USP16: variants seen among roughly 807,000 people sequenced by gnomAD.
USP16 encodes ubiquitin carboxyl-terminal hydrolase 16.
Under a neutral mutation model 95.9 loss-of-function variants are expected in USP16, and 77 were observed. The observed-to-expected ratio is 0.80, with a 90% CI of 0.67 to 0.97. The LOEUF is 0.97. Among genes scored for constraint, USP16 ranks in the 50% least tolerant of loss-of-function variants. The pLI, the probability that USP16 is intolerant of heterozygous loss-of-function variation, is 0.00. For missense variants in USP16, 943 were observed against 959.9 expected, an observed-to-expected ratio of 0.98 and a Z score of 0.23; for synonymous variants, 303 against 318.2, an observed-to-expected ratio of 0.95 and a Z score of 0.51.
rs775112043 is a variant in USP16 at position 29,042,468 on chromosome 21, T to G, written c.1123-4T>G. Reference sequence around the variant, plus strand: ...TTTTACACTGTCTTTTCTGATTGGTTAAGGTCTCCTTGGTTCATGAATCTT... The same window carrying G: ...TTTTACACTGTCTTTTCTGATTGGTGAAGGTCTCCTTGGTTCATGAATCTT... On this transcript the variant is annotated splice_region_variant and splice_polypyrimidine_tract_variant and intron_variant, in intron 11 of 17. Coordinates refer to ENST00000399976, the MANE Select transcript of USP16 (RefSeq NM_006447.3). 11 of 1,603,890 alleles carry G rather than the reference T, an allele frequency of 6.9e-6. No homozygotes were observed. The highest frequency in any genetic ancestry group is 9.4e-6 in the Non-Finnish European group (11 of 1,176,286).
intron 4 of USP16, among the ~76,000 whole-genome samples, chr21:29,035,939 C>CA (rs1308999785): frequency 2.0e-5 from 3 of 151,590 alleles, no homozygotes; most frequent in Non-Finnish European, 4.4e-5. Context: ...AAAAACAAAA[C>CA]AAACAAAAAA....
At position 29,039,017 on chromosome 21, in the gene USP16, C is replaced by T. The variant is rs2085203699; in HGVS notation, c.733-9C>T. On this transcript the variant is annotated splice_polypyrimidine_tract_variant and intron_variant, in intron 7 of 17. Transcript: ENST00000399976. ...GACTGAAGAAAGTAATTTCTTTTCC[C>T]ATATTCAGGAACCATTAGAAATAAA... 1.3e-6 allele frequency: 2 copies of T among 1,497,028 alleles called. No individual in the cohort carries two copies. The highest frequency in any genetic ancestry group is 1.4e-5 in the African/African-American group (1 of 69,374). 92.7% of individuals were successfully genotyped at this position (1,497,028 alleles called of 1,614,324 possible).
Position 29,043,430 on chromosome 21 carries a change from A to G in USP16, c.1187A>G (p.Lys396Arg). 6.6e-7 allele frequency: 1 copy of G among 1,521,420 alleles called. No individual in the cohort carries two copies. Among genetic ancestry groups the G allele is most frequent in the Non-Finnish European group, 8.8e-7 (1 of 1,141,584 alleles). 94.2% of individuals were successfully genotyped at this position (1,521,420 alleles called of 1,614,324 possible). ...SLPVLDDQSG[K>R]KSVNDKNLKK... ...TGTTATCTATATTTTAAGAGTGGTA[A>G]GAAAAGTGTAAATGATAAAAATCTG... Residue 396 changes from lysine to arginine, a missense_variant, in exon 13 of 18, where the codon AAG (lysine) becomes AGG (arginine). Coordinates refer to ENST00000399976, the MANE Select transcript of USP16 (RefSeq NM_006447.3).
At chr21:29,029,392 A>G (rs975074540) in intron 2 of USP16, among the ~76,000 whole-genome samples, 5 of 152,336 alleles carry the variant, frequency 3.3e-5, no homozygotes, top group South Asian at 2.1e-4. Context: ...CAGCCTGGGC[A>G]ACAGAGCAAG....
chr21:29,050,306 T>C, intron 16 of USP16, 128 bp downstream of exon 16: 1 of 696,896 alleles, frequency 1.4e-6, no homozygotes, highest in Non-Finnish European at 2.3e-6. Context: ...TCTTTGATCA[T>C]TGTACCTTTA....
At chr21:29,052,533 G>A (rs1047220803) in intron 16 of USP16, 7 of 152,210 alleles carry the variant, frequency 4.6e-5, no homozygotes, top group African/African-American at 1.7e-4. Flanking sequence ...CCATGATTCA[G>A]TTGCGTCCCA....
intron 12 of USP16, 65 bp downstream of exon 12, chr21:29,042,593 G>A (rs1341548963): frequency 1.6e-5 from 23 of 1,430,204 alleles, no homozygotes; most frequent in Non-Finnish European, 1.8e-5. Flanking sequence ...GTGGGGGGAA[G>A]CCTTGTTACT....
At position 29,054,250 on chromosome 21, in the gene USP16, TAA is replaced by T. The variant is rs1045478388; in HGVS notation, c.*69_*70del. The T allele has an allele frequency of 8.5e-6, 13 of 1,532,700 alleles. No individual in the cohort carries two copies. The highest frequency in any genetic ancestry group is 6.9e-5 in the African/African-American group (5 of 72,128). The allele number at this position is 1,532,700 out of a possible 1,614,324, so 94.9% of individuals were successfully genotyped here. A position where few individuals can be genotyped will look rare whatever the true frequency, so the allele number is the denominator to read the frequency against. ...GCTTTTATAATGGCTGAAATAACGA[TAA>T]AAAAAGACTAATTAAAATCATGTTC... is the stretch of plus-strand genomic sequence containing the variant. On this transcript the variant is annotated 3_prime_UTR_variant, in exon 18 of 18. Transcript: ENST00000399976.
At chr21:29,046,052 C>T (rs780268519) in intron 13 of USP16, among the ~76,000 whole-genome samples, 4 of 152,124 alleles carry the variant, frequency 2.6e-5, no homozygotes, top group Non-Finnish European at 4.4e-5. Context: ...TCAAACTCCT[C>T]ACCTCAAGTG....
intron 6 of USP16, 107 bp from the exon 7 acceptor site, chr21:29,038,228 C>T (rs2085191098): frequency 1.5e-6 from 1 of 684,120 alleles, no homozygotes; most frequent in Non-Finnish European, 2.5e-6. Flanking sequence ...ATAGAGTTTT[C>T]AGTGTTGGTC....
intron 6 of USP16, 105 bp from the exon 7 acceptor site, chr21:29,038,230 G>A: frequency 1.4e-6 from 1 of 701,180 alleles, no homozygotes; most frequent in Non-Finnish European, 2.4e-6. Flanking sequence ...AGAGTTTTCA[G>A]TGTTGGTCAT....
chr21:29,053,979 C>A, intron 17 of USP16, 21 bp downstream of exon 17: 1 of 1,613,506 alleles, frequency 6.2e-7, no homozygotes. Flanking sequence ...TTGGAAAATT[C>A]AGGCACTCAG....
intron 16 of USP16, 148 bp from the exon 17 acceptor site, chr21:29,053,654 G>A: frequency 1.4e-6 from 1 of 722,116 alleles, no homozygotes; most frequent in Non-Finnish European, 2.2e-6. Flanking sequence ...GCTGAGAAGA[G>A]GTATGGAGAA....
chr21:29,050,483 C>T (rs2085397358), intron 16 of USP16, among the ~76,000 whole-genome samples: 1 of 152,150 alleles, frequency 6.6e-6, no homozygotes, highest in African/African-American at 2.4e-5. Flanking sequence ...AATGTTAAGG[C>T]TGGTGAACAT....
At position 29,027,530 on chromosome 21, in the gene USP16, A is replaced by G. The variant is rs556225945; in HGVS notation, c.-41-343A>G. On this transcript the variant is annotated intron_variant, in intron 1 of 17. Transcript: ENST00000399976. ...GTTTTCTGATTAAAGTGCTGCCATT[A>G]TTTCACATGTATGTAGTGAGGAGTC... is the stretch of plus-strand genomic sequence containing the variant. 7.5e-4 allele frequency among the ~76,000 whole-genome samples: 115 copies of G among 152,358 alleles called. 1 individual carries two copies. The highest frequency in any genetic ancestry group is 2.5e-3 in the African/African-American group (102 of 41,590).
At chr21:29,025,728 T>C (rs2084976837) in intron 1 of USP16, 1 of 984,714 alleles carries the variant, frequency 1.0e-6, no homozygotes, top group Non-Finnish European at 1.2e-6. Context: ...GCTTCATTCT[T>C]ATGTACCTAC....
At position 29,053,868 on chromosome 21, in the gene USP16, A is replaced by G. The variant is rs755665311; in HGVS notation, c.2260A>G (p.Met754Val). ...LYGVVEHSGT[M>V]RSGHYTAYAK... ...TGGAGTTGTTGAACACAGTGGTACT[A>G]TGAGGTCGGGGCATTACACTGCCTA... The change falls in exon 17 of 18, where the codon ATG becomes GTG. Residue 754 changes from methionine (M) to valine (V), a missense_variant. Met to Val is a conservative substitution (Grantham distance 21). Coordinates refer to ENST00000399976, the MANE Select transcript of USP16 (RefSeq NM_006447.3). 2 of 1,614,230 alleles carry G rather than the reference A, an allele frequency of 1.2e-6. No homozygotes were observed. The highest frequency in any genetic ancestry group is 1.7e-6 in the Non-Finnish European group (2 of 1,180,034).
chr21:29,045,723 C>A (rs1268810660), intron 13 of USP16, among the ~76,000 whole-genome samples: 3 of 152,132 alleles, frequency 2.0e-5, no homozygotes, highest in Non-Finnish European at 4.4e-5. Context: ...AGCACAGAGA[C>A]CATGTCTTGC....
chr21:29,042,371 A>G, intron 11 of USP16, 101 bp from the exon 12 acceptor site: 1 of 1,204,886 alleles, frequency 8.3e-7, no homozygotes, highest in Middle Eastern at 2.0e-4. Context: ...TGTTTATTTT[A>G]AAACCCATCC....
Sources: allele counts gnomAD v4.1 joint callset (sites outside exome capture counted in the v4.1 genomes callset), GRCh38; gene constraint gnomAD v4.1.1; transcripts MANE v1.5; gene names NCBI Gene and HGNC (gene_info 2026-07-23, HGNC 2026-07-21).